PTPRG: variants seen among roughly 807,000 people sequenced by gnomAD.
The protein encoded by PTPRG is receptor-type tyrosine-protein phosphatase gamma.
Under a neutral mutation model 165.3 loss-of-function variants are expected in PTPRG, and 102 were observed. That is an observed-to-expected ratio of 0.62 (90% CI 0.53 to 0.73). The LOEUF is 0.73. Ranked by LOEUF, PTPRG falls within the 30% of genes least tolerant of loss-of-function variation. PTPRG has a pLI of 0.00. For missense variants in PTPRG, 1,866 were observed against 1,861.4 expected (o/e 1.00, Z -0.05); for synonymous variants, 675 against 669.5 (o/e 1.01, Z -0.13).
intron 2 of PTPRG, among the ~76,000 whole-genome samples, chr3:61,925,445 T>TA (rs1158165357): frequency 2.0e-5 from 3 of 152,166 alleles, no homozygotes; most frequent in Non-Finnish European, 2.9e-5. Flanking sequence ...AACTTCTCCT[T>TA]AAAAATCACT....
At chr3:61,581,297 C>G (rs983112962) in intron 1 of PTPRG, among the ~76,000 whole-genome samples, 1 of 152,202 alleles carries the variant, frequency 6.6e-6, no homozygotes, top group African/African-American at 2.4e-5. Context: ...TTAATTAGTT[C>G]CAGACACTAG....
intron 11 of PTPRG, among the ~76,000 whole-genome samples, chr3:62,202,020 A>G (rs906534175): frequency 1.3e-5 from 2 of 152,184 alleles, no homozygotes; most frequent in African/African-American, 4.8e-5. Context: ...ATAATAGCCT[A>G]AAATTCACTA....
intron 8 of PTPRG, among the ~76,000 whole-genome samples, chr3:62,173,242 T>A (rs1705287187): frequency 6.6e-6 from 1 of 152,068 alleles, no homozygotes; most frequent in Non-Finnish European, 1.5e-5. Flanking sequence ...ATATTGCTAT[T>A]TTTTATTGTT....
chr3:62,127,986 A>T (rs955303609), intron 5 of PTPRG, among the ~76,000 whole-genome samples: 1 of 152,112 alleles, frequency 6.6e-6, no homozygotes, highest in African/African-American at 2.4e-5. Flanking sequence ...CGAAGTTTAG[A>T]TTTCATGAGC....
In PTPRG at chr3:62,206,179, C is replaced by T. The variant is rs1313783644; in HGVS notation, c.2155+2229C>T. 2.0e-5 allele frequency among the ~76,000 whole-genome samples: 3 copies of T among 152,228 alleles called. No individual in the cohort carries two copies. In the Middle Eastern group the frequency reaches 0.01, roughly 518 times the overall value. On this transcript the variant is annotated intron_variant, in intron 12 of 29. Transcript: ENST00000474889. ...GAGAGAGGCAGGGACTGGGACCGCC[C>T]CAGGTAAGTGGAAATGAGTTCTTGC...
At chr3:62,080,056 C>T (rs1302172706) in intron 5 of PTPRG, among the ~76,000 whole-genome samples, 3 of 137,974 alleles carry the variant, frequency 2.2e-5, no homozygotes, top group South Asian at 2.3e-4. Flanking sequence ...TGGACCCCTT[C>T]GGTTCATTTT....
At chr3:61,892,862 T>C (rs1016579149) in intron 2 of PTPRG, among the ~76,000 whole-genome samples, 1 of 151,796 alleles carries the variant, frequency 6.6e-6, no homozygotes, top group Non-Finnish European at 1.5e-5. Context: ...ATTATTGATA[T>C]GTATGTGTAT....
At position 62,087,677 on chromosome 3, in the gene PTPRG, A is replaced by G. The variant is rs114615461; in HGVS notation, c.615+9419A>G. Among the ~76,000 whole-genome samples, 292 of 152,310 alleles carry G rather than the reference A, an allele frequency of 1.9e-3. 1 individual carries two copies. Among genetic ancestry groups the G allele is most frequent in the Middle Eastern group, 0.01 (3 of 294 alleles). ...GAGCCAGCATTTCAATGGCAACCAT[A>G]TATCTCCAGGGTCTGTGCTCTCAGT... On this transcript the variant is annotated intron_variant, in intron 5 of 29. Coordinates refer to ENST00000474889, the MANE Select transcript of PTPRG (RefSeq NM_002841.4).
intron 4 of PTPRG, among the ~76,000 whole-genome samples, chr3:62,036,539 CAA>C (rs1382252930): frequency 1.3e-5 from 2 of 152,132 alleles, no homozygotes; most frequent in Admixed American, 1.3e-4. Flanking sequence ...GAAATCCACT[CAA>C]GAGTTAAACA....
intron 1 of PTPRG, among the ~76,000 whole-genome samples, chr3:61,616,015 A>ATCT (rs1160607040): frequency 2.0e-5 from 3 of 152,230 alleles, no homozygotes; most frequent in Non-Finnish European, 4.4e-5. Flanking sequence ...CAGTGGCACA[A>ATCT]TCTCGGCTCA....
intron 1 of PTPRG, among the ~76,000 whole-genome samples, chr3:61,652,766 C>T (rs1310095447): frequency 2.0e-5 from 3 of 152,144 alleles, no homozygotes; most frequent in Admixed American, 1.3e-4. Context: ...GTATTCCTGG[C>T]CTCCACTCAC....
intron 2 of PTPRG, among the ~76,000 whole-genome samples, chr3:61,981,719 C>T (rs769940288): frequency 1.4e-4 from 22 of 152,128 alleles, no homozygotes; most frequent in Non-Finnish European, 2.1e-4. Flanking sequence ...TATTACAGGA[C>T]GTGCTCCGAT....
intron 5 of PTPRG, among the ~76,000 whole-genome samples, chr3:62,078,616 A>G (rs1241386626): frequency 6.6e-6 from 1 of 152,148 alleles, no homozygotes; most frequent in African/African-American, 2.4e-5. Flanking sequence ...AAAATTTGAC[A>G]TTACTTGCAA....
chr3:61,829,755 C>T (rs1374809176), intron 2 of PTPRG, among the ~76,000 whole-genome samples: 1 of 152,060 alleles, frequency 6.6e-6, no homozygotes, highest in African/African-American at 2.4e-5. Context: ...TTGAGAATTT[C>T]TGTCATCCTT....
intron 5 of PTPRG, chr3:62,124,375 G>A (rs1199194981): frequency 6.2e-7 from 1 of 1,612,678 alleles, no homozygotes. Context: ...GCAAGTCCAG[G>A]GTGATCTGCA....
At chr3:62,081,621 A>G (rs1419632645) in intron 5 of PTPRG, among the ~76,000 whole-genome samples, 1 of 152,224 alleles carries the variant, frequency 6.6e-6, no homozygotes, top group African/African-American at 2.4e-5. Flanking sequence ...CTGGGATTAT[A>G]GGCGTCAGCC....
chr3:61,938,027 T>A (rs780554526), intron 2 of PTPRG, among the ~76,000 whole-genome samples: 1 of 152,034 alleles, frequency 6.6e-6, no homozygotes, highest in Non-Finnish European at 1.5e-5. Context: ...AATACCGACT[T>A]TTCCTTCAGT....
chr3:61,594,937 A>G (rs968656984), intron 1 of PTPRG, among the ~76,000 whole-genome samples: 2 of 152,078 alleles, frequency 1.3e-5, no homozygotes, highest in Non-Finnish European at 2.9e-5. Flanking sequence ...AATTGTTACA[A>G]TTAGTGCACT....
chr3:61,738,297 T>TAC (rs2032822588), intron 1 of PTPRG, among the ~76,000 whole-genome samples: 1 of 79,798 alleles, frequency 1.3e-5, no homozygotes, highest in Non-Finnish European at 2.6e-5. Context: ...TATATATATA[T>TAC]ATATATATAT....
Sources: allele counts gnomAD v4.1 joint callset (sites outside exome capture counted in the v4.1 genomes callset), GRCh38; gene constraint gnomAD v4.1.1; transcripts MANE v1.5; gene names NCBI Gene and HGNC (gene_info 2026-07-23, HGNC 2026-07-21).